Variants in RAD51B observed in about 807,000 individuals in gnomAD.
RAD51B encodes the protein DNA repair protein RAD51 homolog 2.
In RAD51B, 38 loss-of-function variants were observed where a neutral mutation model predicts 42.2. The ratio of observed to expected loss-of-function variants is 0.90; its 90% CI spans 0.70 to 1.18. RAD51B has a LOEUF of 1.18. Among genes scored for constraint, RAD51B ranks in the 50% most tolerant of loss-of-function variants. The pLI, the probability that RAD51B is intolerant of heterozygous loss-of-function variation, is 0.00. For missense variants in RAD51B, 373 were observed against 400.7 expected (o/e 0.93, Z 0.59); for synonymous variants, 154 against 145.2 (o/e 1.06, Z -0.43).
At chr14:68,281,032 G>A (rs1211904395) in intron 7 of RAD51B, among the ~76,000 whole-genome samples, 1 of 151,706 alleles carries the variant, frequency 6.6e-6, no homozygotes, top group East Asian at 1.9e-4. Flanking sequence ...AGTTTAGTCT[G>A]GATGGCAGAG....
chr14:68,004,230 C>T (rs182465827), intron 7 of RAD51B, among the ~76,000 whole-genome samples: 14 of 149,834 alleles, frequency 9.3e-5, no homozygotes, highest in South Asian at 4.2e-4. Context: ...CTACTCGGGA[C>T]GCTGAGGCAG....
rs147528753 is a variant in RAD51B at position 67,956,611 on chromosome 14, G to A, written c.756+69407G>A. 7.9e-5 allele frequency among the ~76,000 whole-genome samples: 12 copies of A among 152,230 alleles called. No individual in the cohort carries two copies. The East Asian group carries it at 9.6e-4, about 12-fold the overall frequency. ...TGTAATCTGTTAAGAGACATTTCAC[G>A]TAGGAAATTTGAATTATTTCAGTAA... is the stretch of plus-strand genomic sequence containing the variant. On this transcript the variant is annotated intron_variant, in intron 7 of 10. Coordinates refer to ENST00000471583, the MANE Select transcript of RAD51B (RefSeq NM_133510.4).
chr14:68,554,734 A>C (rs143198913), intron 10 of RAD51B, among the ~76,000 whole-genome samples: 142 of 152,216 alleles, frequency 9.3e-4, no homozygotes, highest in African/African-American at 3.3e-3. Flanking sequence ...ACAGTGCAGA[A>C]TTTTTGTCTG....
chr14:67,955,039 A>G (rs1395337387), intron 7 of RAD51B, among the ~76,000 whole-genome samples: 2 of 152,162 alleles, frequency 1.3e-5, no homozygotes, highest in East Asian at 3.9e-4. Flanking sequence ...ATTAAAAAAG[A>G]TAAGGCCATT....
intron 8 of RAD51B, among the ~76,000 whole-genome samples, chr14:68,306,415 G>C (rs894380878): frequency 6.6e-6 from 1 of 152,154 alleles, no homozygotes; most frequent in African/African-American, 2.4e-5. Flanking sequence ...CACCTAGCTG[G>C]GTTTCATATT....
At chr14:68,368,143 C>T (rs2083180206) in intron 8 of RAD51B, among the ~76,000 whole-genome samples, 1 of 152,124 alleles carries the variant, frequency 6.6e-6, no homozygotes, top group African/African-American at 2.4e-5. Context: ...ACTAAAGCAC[C>T]AGAAACCTAA....
intron 11 of RAD51B, among the ~76,000 whole-genome samples, chr14:68,674,061 T>C (rs1284646242): frequency 2.6e-5 from 4 of 151,802 alleles, no homozygotes; most frequent in Non-Finnish European, 5.9e-5. Flanking sequence ...CACACACATA[T>C]ACACATAAAC....
At chr14:68,063,700 C>T (rs1279373644) in intron 7 of RAD51B, among the ~76,000 whole-genome samples, 1 of 152,148 alleles carries the variant, frequency 6.6e-6, no homozygotes, top group Non-Finnish European at 1.5e-5. Context: ...TGTGCCACAG[C>T]ACTCCAGCCT....
At chr14:68,319,496 A>G (rs2082120281) in intron 8 of RAD51B, among the ~76,000 whole-genome samples, 1 of 152,228 alleles carries the variant, frequency 6.6e-6, no homozygotes, top group Admixed American at 6.5e-5. Flanking sequence ...AACAATAGAT[A>G]AAGCTTTGAA....
At chr14:67,872,074 G>T (rs924664830) in intron 5 of RAD51B, among the ~76,000 whole-genome samples, 3 of 150,884 alleles carry the variant, frequency 2.0e-5, no homozygotes, top group African/African-American at 7.3e-5. Flanking sequence ...CATAGTGTTG[G>T]AAGTTCTGGT....
At chr14:68,563,858 G>A (rs565203252) in intron 10 of RAD51B, 8 of 985,446 alleles carry the variant, frequency 8.1e-6, no homozygotes, top group Middle Eastern at 5.2e-4. Context: ...GTTGGTTTCC[G>A]ATCCCTGGCA....
chr14:68,486,601 G>C (rs982290070), intron 10 of RAD51B, among the ~76,000 whole-genome samples: 2 of 152,184 alleles, frequency 1.3e-5, no homozygotes, highest in Admixed American at 6.5e-5. Flanking sequence ...AGAACACCTG[G>C]TGAAAAGCCG....
intron 8 of RAD51B, among the ~76,000 whole-genome samples, chr14:68,334,854 C>CATATATTTTATGATATATAGGATAGAT (rs2082414350): frequency 6.8e-6 from 1 of 146,894 alleles, no homozygotes; most frequent in Non-Finnish European, 1.5e-5. Flanking sequence ...ATAGATATAT[C>CATATATTTTATGATATATAGGATAGAT]ATATATTTTA....
At chr14:68,539,490 A>C (rs1887835410) in intron 10 of RAD51B, among the ~76,000 whole-genome samples, 2 of 152,184 alleles carry the variant, frequency 1.3e-5, no homozygotes, top group African/African-American at 4.8e-5. Context: ...GGGTTTCCAG[A>C]GGGGTCCCCA....
intron 7 of RAD51B, among the ~76,000 whole-genome samples, chr14:68,202,944 T>C (rs2079519603): frequency 6.6e-6 from 1 of 152,148 alleles, no homozygotes; most frequent in African/African-American, 2.4e-5. Context: ...AGCTTCAGGC[T>C]CTACTTCTAA....
chr14:68,608,435 G>T (rs1425025122), intron 10 of RAD51B, among the ~76,000 whole-genome samples: 1 of 152,188 alleles, frequency 6.6e-6, no homozygotes, highest in African/African-American at 2.4e-5. Context: ...GCTTCAGAGG[G>T]GCCTTGCTTG....
At chr14:67,971,904 A>G (rs566058353) in intron 7 of RAD51B, among the ~76,000 whole-genome samples, 64 of 151,980 alleles carry the variant, frequency 4.2e-4, no homozygotes, top group Admixed American at 7.9e-4. Context: ...CCTTTAAAGT[A>G]TAGAGATGGC....
intron 8 of RAD51B, among the ~76,000 whole-genome samples, chr14:68,385,063 C>G (rs1223457114): frequency 6.6e-6 from 1 of 152,106 alleles, no homozygotes; most frequent in Non-Finnish European, 1.5e-5. Context: ...CAATTGCCAT[C>G]TGCCTCTGTT....
chr14:68,600,249 C>G (rs750973357), downstream of RAD51B, among the ~76,000 whole-genome samples: 1 of 152,148 alleles, frequency 6.6e-6, no homozygotes, highest in African/African-American at 2.4e-5. Flanking sequence ...CAAAAGAGGC[C>G]GATACAATGC....
Sources: gnomAD v4.1 joint callset for allele counts (sites outside exome capture counted in the v4.1 genomes callset) on GRCh38, gnomAD v4.1.1 for gene constraint, MANE v1.5 for transcripts, NCBI Gene and HGNC (gene_info 2026-07-23, HGNC 2026-07-21) for gene names.